The following MS4A7 variants were observed in gnomAD, a reference collection of about 807,000 sequenced individuals.
MS4A7 encodes membrane spanning 4-domains A7, also known as membrane-spanning 4-domains subfamily A member 7.
A neutral mutation model predicts 23.5 loss-of-function variants in MS4A7; 21 were observed. That is an observed-to-expected ratio of 0.89 (90% CI 0.63 to 1.29). The LOEUF (loss-of-function observed/expected upper bound fraction) is 1.29, where lower values mean the gene tolerates loss of function less well. Among genes scored for constraint, MS4A7 ranks in the 50% most tolerant of loss-of-function variants. MS4A7 has a pLI of 0.00. For synonymous variants in MS4A7, 111 were observed against 107.4 expected (o/e 1.03, Z -0.21); for missense variants, 263 against 274.2 (o/e 0.96, Z 0.29).
chr11:60,387,396 G>T (rs1203934492), intron 4 of MS4A7, among the ~76,000 whole-genome samples: 2 of 152,170 alleles, frequency 1.3e-5, no homozygotes, highest in Non-Finnish European at 2.9e-5. Flanking sequence ...TATTTTCAAA[G>T]TTCTACTATT....
chr11:60,389,513 T>C lies in MS4A7; in HGVS notation c.463T>C (p.Tyr155His), dbSNP rs1161745141. ...ASQHCGSEMD[Y>H]LSSLPYSEYY... The stretch of plus-strand genomic sequence containing the variant: ...TCAACATTGTGGCTCAGAAATGGAT[T>C]ATCTATCCTCATTGCCTTATTCGGA... The change falls in exon 5 of 7, where the codon TAT becomes CAT. Residue 155 changes from tyrosine (Y) to histidine (H), a missense_variant. Transcript: ENST00000300184. 6.2e-7 allele frequency: 1 copy of C among 1,614,002 alleles called. No homozygotes were observed. Among genetic ancestry groups the C allele is most frequent in the Non-Finnish European group, 8.5e-7 (1 of 1,179,952 alleles).
chr11:60,381,982 A>G (rs993767595), intron 1 of MS4A7, among the ~76,000 whole-genome samples: 3 of 152,232 alleles, frequency 2.0e-5, no homozygotes, highest in Admixed American at 6.5e-5. Flanking sequence ...GAGAGGCCAG[A>G]ACCATTCCTA....
chr11:60,384,229 G>A (rs1263749342), intron 2 of MS4A7, among the ~76,000 whole-genome samples: 3 of 152,190 alleles, frequency 2.0e-5, no homozygotes, highest in African/African-American at 7.2e-5. Context: ...AAATTATCCA[G>A]TGGGATTCCT....
rs149452557 is a variant in MS4A7 at position 60,392,593 on chromosome 11, G to T, written c.547-92G>T. 1.5e-4 allele frequency: 126 copies of T among 860,740 alleles called. No individual in the cohort carries two copies. The East Asian group carries it at 3.0e-3, about 20-fold the overall frequency. The allele number at this position is 860,740 out of a possible 1,614,324, so 53.3% of individuals were successfully genotyped here. On this transcript the variant is annotated intron_variant, in intron 5 of 6. Transcript: ENST00000300184. ...CAATTTTCCCTGTCTCCTTTTCTCT[G>T]CATTGCTGGAGCCTCATCGCCCTGT... is the stretch of plus-strand genomic sequence containing the variant.
intron 1 of MS4A7, among the ~76,000 whole-genome samples, chr11:60,382,430 G>C (rs1351419614): frequency 6.6e-6 from 1 of 152,166 alleles, no homozygotes; most frequent in Non-Finnish European, 1.5e-5. Context: ...AAAGTCACTT[G>C]AGCTTATTAG....
chr11:60,383,365 T>A, intron 2 of MS4A7, 77 bp downstream of exon 2: 2 of 1,517,440 alleles, frequency 1.3e-6, no homozygotes, highest in Admixed American at 1.9e-5. Context: ...CTACAGTGGG[T>A]CTGGGAAACT....
chr11:60,391,488 C>T (rs2085549394), intron 5 of MS4A7, among the ~76,000 whole-genome samples: 1 of 152,014 alleles, frequency 6.6e-6, no homozygotes, highest in Admixed American at 6.6e-5. Context: ...AGAAACATAA[C>T]AACAGCACAA....
intron 2 of MS4A7, 162 bp downstream of exon 2, chr11:60,383,450 C>CCATTTCA: frequency 1.6e-6 from 1 of 613,132 alleles, no homozygotes; most frequent in Non-Finnish European, 2.5e-6. Context: ...TCTTAAAGCT[C>CCATTTCA]TGCAGCAGTT....
At chr11:60,382,835 C>T (rs922942401) in intron 1 of MS4A7, among the ~76,000 whole-genome samples, 4 of 152,190 alleles carry the variant, frequency 2.6e-5, no homozygotes, top group Non-Finnish European at 4.4e-5. Context: ...GAGATGGACA[C>T]ATTCAGGGCT....
At position 60,389,500 on chromosome 11, in the gene MS4A7, C is replaced by T. The variant is rs1448743160; in HGVS notation, c.450C>T (p.Gly150=). ...TGAGGACTGCCTCTCAACATTGTGG[C>T]TCAGAAATGGATTATCTATCCTCAT... The part of the protein sequence containing the change: ...VALRTASQHC[G]SEMDYLSSLP... The change falls in exon 5 of 7, where the codon GGC becomes GGT. Residue 150 remains glycine (G), a synonymous_variant. Transcript: ENST00000300184. 1.9e-6 allele frequency: 3 copies of T among 1,614,102 alleles called. No individual in the cohort carries two copies. Among genetic ancestry groups the T allele is most frequent in the South Asian group, 2.2e-5 (2 of 91,078 alleles).
At chr11:60,385,792 T>C (rs1044314681) in intron 3 of MS4A7, among the ~76,000 whole-genome samples, 4 of 152,180 alleles carry the variant, frequency 2.6e-5, no homozygotes, top group Admixed American at 1.3e-4. Flanking sequence ...AGTAGATCCA[T>C]TTTTCAGAGA....
chr11:60,381,738 C>A (rs1380673320), intron 1 of MS4A7, among the ~76,000 whole-genome samples: 1 of 152,154 alleles, frequency 6.6e-6, no homozygotes, highest in Non-Finnish European at 1.5e-5. Flanking sequence ...GTCATCTTAT[C>A]CAACCTGTAC....
At chr11:60,384,758 GCTCT>G (rs2085466125) in intron 2 of MS4A7, among the ~76,000 whole-genome samples, 3 of 152,166 alleles carry the variant, frequency 2.0e-5, no homozygotes, top group Non-Finnish European at 4.4e-5. Context: ...TGAAAAGTTT[GCTCT>G]CTATTTCCAC....
chr11:60,390,321 A>C (rs1380279403), intron 5 of MS4A7, among the ~76,000 whole-genome samples: 1 of 152,222 alleles, frequency 6.6e-6, no homozygotes, highest in Non-Finnish European at 1.5e-5. Flanking sequence ...AGCCTTGCTT[A>C]TTCAATCCTA....
chr11:60,385,528 T>G (rs1332437900), intron 3 of MS4A7, among the ~76,000 whole-genome samples: 1 of 152,216 alleles, frequency 6.6e-6, no homozygotes, highest in Non-Finnish European at 1.5e-5. Context: ...TATCCCTCTT[T>G]GAGGCTTTGA....
Position 60,394,060 on chromosome 11 carries a change from G to A in MS4A7, c.*199G>A. Reference sequence around the variant, plus strand: ...TTCCTCAAAGCCCAAGTCAATAAATGTTATCAGCCAGTCTTCCAAAATGGT... The same window carrying A: ...TTCCTCAAAGCCCAAGTCAATAAATATTATCAGCCAGTCTTCCAAAATGGT... On this transcript the variant is annotated 3_prime_UTR_variant, in exon 7 of 7. Transcript: ENST00000300184. 1 of 361,834 alleles carries A rather than the reference G, an allele frequency of 2.8e-6. No homozygotes were observed. Among genetic ancestry groups the A allele is most frequent in the African/African-American group, 2.2e-5 (1 of 45,492 alleles). The allele number at this position is 361,834 out of a possible 1,614,324, so 22.4% of individuals were successfully genotyped here.
intron 1 of MS4A7, among the ~76,000 whole-genome samples, chr11:60,380,837 G>A (rs1191585186): frequency 1.3e-5 from 2 of 152,208 alleles, no homozygotes; most frequent in African/African-American, 2.4e-5. Context: ...CAACAATAGG[G>A]GAGGAAGAAT....
chr11:60,394,498 T>C lies in MS4A7; in HGVS notation c.*637T>C, dbSNP rs1590800274. On this transcript the variant is annotated 3_prime_UTR_variant, in exon 7 of 7. Coordinates refer to ENST00000300184, the MANE Select transcript of MS4A7 (RefSeq NM_021201.5). ...GCACCAACCAGTGGTGCTCATTCTA[T>C]TGTTTAAAAATGGCCTTCTTGGCTG... 6.5e-6 allele frequency: 1 copy of C among 152,704 alleles called. No homozygotes were observed. Among genetic ancestry groups the C allele is most frequent in the Non-Finnish European group, 1.5e-5 (1 of 68,496 alleles). The allele number at this position is 152,704 out of a possible 1,614,324, so 9.5% of individuals were successfully genotyped here.
chr11:60,380,662 G>A (rs1041006087), intron 1 of MS4A7, among the ~76,000 whole-genome samples: 2 of 152,298 alleles, frequency 1.3e-5, no homozygotes, highest in East Asian at 3.9e-4. Context: ...GTAGGAAGGA[G>A]TCTAGTTGGT....
Sources: allele counts gnomAD v4.1 joint callset (sites outside exome capture counted in the v4.1 genomes callset), GRCh38; gene constraint gnomAD v4.1.1; transcripts MANE v1.5; gene names NCBI Gene and HGNC (gene_info 2026-07-23, HGNC 2026-07-21).